The following MGME1 variants were observed in gnomAD, a reference collection of about 807,000 sequenced individuals.
MGME1 encodes mitochondrial genome maintenance exonuclease 1.
Under a neutral mutation model 33.0 loss-of-function variants are expected in MGME1, and 22 were observed. The ratio of observed to expected loss-of-function variants is 0.67; its 90% CI spans 0.48 to 0.95. The LOEUF (loss-of-function observed/expected upper bound fraction) is 0.95. Among genes scored for constraint, MGME1 ranks in the 40% least tolerant of loss-of-function variants. The pLI, the probability that MGME1 is intolerant of heterozygous loss-of-function variation, is 0.00. For missense variants in MGME1, 383 were observed against 397.8 expected, an observed-to-expected ratio of 0.96 and a Z score of 0.32; for synonymous variants, 133 against 144.0, an observed-to-expected ratio of 0.92 and a Z score of 0.55.
In MGME1 at chr20:17,980,808, C is replaced by CAA. The variant is rs11087236; in HGVS notation, c.731+4920_731+4921dup. On this transcript the variant is annotated intron_variant, in intron 3 of 4. Coordinates refer to ENST00000377710, the MANE Select transcript of MGME1 (RefSeq NM_052865.4). ...TGGGTGACAGAGTGAGACTCCATCT[C>CAA]AAAAAAAAAAAAAAAATCTTTTATT... Among the ~76,000 whole-genome samples, 67 of 130,950 alleles carry CAA rather than the reference C, an allele frequency of 5.1e-4. 1 individual carries two copies. In the East Asian group the frequency reaches 0.011, roughly 21 times the overall value. 85.9% of individuals were successfully genotyped at this position (130,950 alleles called of 152,430 possible).
At chr20:17,978,828 T>G (rs2122552895) in intron 3 of MGME1, among the ~76,000 whole-genome samples, 1 of 152,088 alleles carries the variant, frequency 6.6e-6, no homozygotes, top group East Asian at 1.9e-4. Context: ...CAGACTGGAG[T>G]GTGGTGGCCC....
At chr20:17,976,031 G>A in intron 3 of MGME1, 128 bp downstream of exon 3, 1 of 733,770 alleles carries the variant, frequency 1.4e-6, no homozygotes, top group Non-Finnish European at 2.3e-6. Context: ...AAAGAATTGG[G>A]TGGGGCGGGG....
chr20:17,984,448 G>T (rs918767316), intron 3 of MGME1, among the ~76,000 whole-genome samples: 2 of 151,994 alleles, frequency 1.3e-5, no homozygotes. Context: ...CATACTACTC[G>T]TGTTCGTGGT....
intron 2 of MGME1, among the ~76,000 whole-genome samples, chr20:17,970,589 T>C (rs915937039): frequency 1.3e-5 from 2 of 152,218 alleles, no homozygotes; most frequent in Admixed American, 1.3e-4. Flanking sequence ...ATTTTACAGA[T>C]GAAACTAAAA....
At chr20:17,979,227 C>T (rs551595023) in intron 3 of MGME1, among the ~76,000 whole-genome samples, 1 of 151,660 alleles carries the variant, frequency 6.6e-6, no homozygotes, top group South Asian at 2.1e-4. Context: ...CAGATGCGAA[C>T]AACCACGCCC....
intron 3 of MGME1, among the ~76,000 whole-genome samples, chr20:17,979,557 A>C (rs745814394): frequency 6.7e-6 from 1 of 149,156 alleles, no homozygotes; most frequent in South Asian, 2.1e-4. Flanking sequence ...CTACAGGCGC[A>C]TGCCACCACG....
At position 17,990,800 on chromosome 20, in the gene MGME1, C is replaced by T. The variant is rs2122646615; in HGVS notation, c.*691C>T. The stretch of plus-strand genomic sequence containing the variant: ...AGAGGCCAGTTTGAACATCACAATT[C>T]TAAGTGTTTTAGTAACTATTTCTGG... On this transcript the variant is annotated 3_prime_UTR_variant, in exon 5 of 5. Coordinates refer to ENST00000377710, the MANE Select transcript of MGME1 (RefSeq NM_052865.4). 1 of 152,310 alleles carries T rather than the reference C, an allele frequency of 6.6e-6. No individual in the cohort carries two copies. 9.4% of individuals were successfully genotyped at this position (152,310 alleles called of 1,614,324 possible).
intron 3 of MGME1, among the ~76,000 whole-genome samples, chr20:17,978,995 C>G (rs369152411): frequency 1.3e-5 from 2 of 151,960 alleles, no homozygotes; most frequent in East Asian, 3.9e-4. Flanking sequence ...CCAGGCTGGT[C>G]TCGAGCTCCG....
At chr20:17,977,607 G>A (rs947783549) in intron 3 of MGME1, among the ~76,000 whole-genome samples, 3 of 152,100 alleles carry the variant, frequency 2.0e-5, no homozygotes, top group Non-Finnish European at 2.9e-5. Flanking sequence ...AAGGGTTTGT[G>A]ATAAAGGATT....
At chr20:17,975,949 G>C in intron 3 of MGME1, 46 bp downstream of exon 3, 1 of 1,459,248 alleles carries the variant, frequency 6.9e-7, no homozygotes, top group Non-Finnish European at 9.6e-7. Context: ...AGGACAGATG[G>C]TGCCTGTCAA....
rs531923269 is a variant in MGME1, at chr20:17,986,402, G to A, written c.732-1764G>A. ...TTTTTTTCTTTTTTCCTGAGACAGGGTCTGGCTTTGTTACCCACGCTGTTG... is the reference window on the plus strand; with the variant it reads ...TTTTTTTCTTTTTTCCTGAGACAGGATCTGGCTTTGTTACCCACGCTGTTG... On this transcript the variant is annotated intron_variant, in intron 3 of 4. Transcript: ENST00000377710. 1.5e-4 allele frequency among the ~76,000 whole-genome samples: 22 copies of A among 150,890 alleles called. 1 individual carries two copies. The highest frequency in any genetic ancestry group is 3.5e-3 in the Middle Eastern group (1 of 286).
At chr20:17,969,216 C>T (rs969328350) in intron 1 of MGME1, 75 bp downstream of exon 1, 1 of 152,314 alleles carries the variant, frequency 6.6e-6, no homozygotes, top group African/African-American at 2.4e-5. Context: ...CCACAGGGGC[C>T]ACCGCCGTCC....
intron 3 of MGME1, among the ~76,000 whole-genome samples, chr20:17,985,036 C>CAA (rs535060718): frequency 1.1e-4 from 11 of 103,120 alleles, no homozygotes; most frequent in South Asian, 3.2e-4. Flanking sequence ...GACTTTGTCT[C>CAA]AAAAAAAAAA....
chr20:17,984,447 C>T (rs573248320), intron 3 of MGME1, among the ~76,000 whole-genome samples: 2 of 152,066 alleles, frequency 1.3e-5, no homozygotes, highest in African/African-American at 4.8e-5. Flanking sequence ...ACATACTACT[C>T]GTGTTCGTGG....
intron 2 of MGME1, among the ~76,000 whole-genome samples, chr20:17,974,647 T>C (rs1450045240): frequency 1.3e-5 from 2 of 152,114 alleles, no homozygotes; most frequent in Non-Finnish European, 2.9e-5. Flanking sequence ...AGAAGATGTG[T>C]CCTCCTACAA....
intron 3 of MGME1, among the ~76,000 whole-genome samples, chr20:17,981,648 C>CGTGTGTGTGTGTGTGTGT (rs10677204): frequency 7.2e-6 from 1 of 139,696 alleles, no homozygotes; most frequent in African/African-American, 2.7e-5. Flanking sequence ...ATCTACTACT[C>CGTGTGTGTGTGTGTGTGT]GTGTGTGTGT....
chr20:17,990,356 G>T lies in MGME1; in HGVS notation c.*247G>T. ...CTACCTCTTATTTACCTGAAAGGAGGACACGCAGGATGGGCAGTCATGCTG... is the reference window on the plus strand; with the variant it reads ...CTACCTCTTATTTACCTGAAAGGAGTACACGCAGGATGGGCAGTCATGCTG... On this transcript the variant is annotated 3_prime_UTR_variant, in exon 5 of 5. Transcript: ENST00000377710. 2.6e-6 allele frequency: 1 copy of T among 387,568 alleles called. No homozygotes were observed. The allele number at this position is 387,568 out of a possible 1,614,324, so 24.0% of individuals were successfully genotyped here. A position where few individuals can be genotyped will look rare whatever the true frequency, so the allele number is the denominator to read the frequency against.
rs1448702271 is a variant in MGME1, at chr20:17,974,067, T to TG, written c.512-1617_512-1616insG. ...TTGTTGAGTCTCTTTGTGTGTTTTTTTTTTTTTTTTTTTTTTTGAGATTGT... is the reference window on the plus strand; with the variant it reads ...TTGTTGAGTCTCTTTGTGTGTTTTTTGTTTTTTTTTTTTTTTTTGAGATTGT... On this transcript the variant is annotated intron_variant, in intron 2 of 4. Transcript: ENST00000377710. 2.4e-4 allele frequency among the ~76,000 whole-genome samples: 34 copies of TG among 141,228 alleles called. No homozygotes were observed. In the East Asian group the frequency reaches 4.0e-3, roughly 17 times the overall value. The allele number at this position is 141,228 out of a possible 152,430, so 92.7% of individuals were successfully genotyped here. A position where few individuals can be genotyped will look rare whatever the true frequency, so the allele number is the denominator to read the frequency against.
At chr20:17,977,905 TACCCCTAA>T (rs1272812471) in intron 3 of MGME1, among the ~76,000 whole-genome samples, 2 of 152,198 alleles carry the variant, frequency 1.3e-5, no homozygotes, top group Non-Finnish European at 2.9e-5. Flanking sequence ...AACCTGCAGG[TACCCCTAA>T]TCCAAATAAG....
Sources: gnomAD v4.1 joint callset for allele counts (sites outside exome capture counted in the v4.1 genomes callset) on GRCh38, gnomAD v4.1.1 for gene constraint, MANE v1.5 for transcripts, NCBI Gene and HGNC (gene_info 2026-07-23, HGNC 2026-07-21) for gene names.